KCTD16: variants seen among roughly 807,000 people sequenced by gnomAD.
KCTD16 encodes the protein BTB/POZ domain-containing protein KCTD16.
A neutral mutation model predicts 33.2 loss-of-function variants in KCTD16; 13 were observed. That is an observed-to-expected ratio of 0.39 (90% CI 0.25 to 0.62). The LOEUF is 0.62. Ranked by LOEUF, KCTD16 falls within the 20% of genes least tolerant of loss-of-function variation. KCTD16 has a pLI of 0.50. For synonymous variants in KCTD16, 197 were observed against 195.3 expected, an observed-to-expected ratio of 1.01 and a Z score of -0.07; for missense variants, 441 against 525.1, an observed-to-expected ratio of 0.84 and a Z score of 1.57.
chr5:144,396,927 T>C (rs1165284288), intron 3 of KCTD16, among the ~76,000 whole-genome samples: 2 of 145,466 alleles, frequency 1.4e-5, no homozygotes, highest in Non-Finnish European at 3.0e-5. Flanking sequence ...TATATATATA[T>C]ATATATTTTA....
At chr5:144,336,671 T>C (rs1752501765) in intron 3 of KCTD16, among the ~76,000 whole-genome samples, 2 of 152,156 alleles carry the variant, frequency 1.3e-5, no homozygotes, top group Admixed American at 1.3e-4. Flanking sequence ...TAAGCCTGTT[T>C]CTAAGATTTC....
In KCTD16 at chr5:144,479,410, G is replaced by A. The variant is rs1754661369; in HGVS notation, c.*5296G>A. ...AAAGAAAAAGAAAGCAAGAAAGAGTGAATTCAAAAGGGTTTCAATGATCCA... is the reference window on the plus strand; with the variant it reads ...AAAGAAAAAGAAAGCAAGAAAGAGTAAATTCAAAAGGGTTTCAATGATCCA... On this transcript the variant is annotated 3_prime_UTR_variant, in exon 4 of 4. Transcript: ENST00000512467. 6.7e-6 allele frequency: 1 copy of A among 149,996 alleles called. No individual in the cohort carries two copies. Among genetic ancestry groups the A allele is most frequent in the Non-Finnish European group, 1.5e-5 (1 of 67,322 alleles). The allele number at this position is 149,996 out of a possible 1,614,324, so 9.3% of individuals were successfully genotyped here.
At chr5:144,192,486 A>G (rs1325580731) in intron 2 of KCTD16, among the ~76,000 whole-genome samples, 1 of 152,218 alleles carries the variant, frequency 6.6e-6, no homozygotes, top group Non-Finnish European at 1.5e-5. Context: ...CAGGGAACGA[A>G]TAAAGCGAAG....
At chr5:144,470,276 T>C (rs189134165) in intron 3 of KCTD16, among the ~76,000 whole-genome samples, 1 of 152,286 alleles carries the variant, frequency 6.6e-6, no homozygotes, top group East Asian at 1.9e-4. Context: ...GGTCTGGAGC[T>C]TACATGTGTC....
chr5:144,231,527 G>C (rs927978235), intron 3 of KCTD16, among the ~76,000 whole-genome samples: 36 of 152,114 alleles, frequency 2.4e-4, no homozygotes, highest in African/African-American at 7.7e-4. Context: ...GTGATAGTCT[G>C]TGATACTACA....
intron 2 of KCTD16, among the ~76,000 whole-genome samples, chr5:144,184,890 A>G (rs6895978): frequency 1.4e-5 from 2 of 146,426 alleles, no homozygotes; most frequent in African/African-American, 2.5e-5. Context: ...CTCTGTCTAC[A>G]GAAAAATTTT....
At chr5:144,348,490 C>A (rs183403056) in intron 3 of KCTD16, among the ~76,000 whole-genome samples, 2 of 152,300 alleles carry the variant, frequency 1.3e-5, no homozygotes, top group Admixed American at 6.5e-5. Context: ...TACCCATCAT[C>A]CTCATCGTGT....
intron 3 of KCTD16, among the ~76,000 whole-genome samples, chr5:144,238,161 G>A (rs939143427): frequency 9.2e-5 from 14 of 152,136 alleles, no homozygotes; most frequent in African/African-American, 1.4e-4. Context: ...GCTATGGCTC[G>A]AGAGAAGGAG....
In KCTD16 at chr5:144,483,648, T is replaced by G. The variant is rs573825316; in HGVS notation, c.*9534T>G. On this transcript the variant is annotated 3_prime_UTR_variant, in exon 4 of 4. Transcript: ENST00000512467. ...ATACAGTAAGTTGTGTACTCATTCA[T>G]AGCCACATGCTTTGCATATTACTGG... The G allele has an allele frequency of 5.9e-5, 9 of 152,142 alleles. No homozygotes were observed. In the East Asian group the frequency reaches 1.7e-3, roughly 30 times the overall value. 9.4% of individuals were successfully genotyped at this position (152,142 alleles called of 1,614,324 possible).
intron 3 of KCTD16, among the ~76,000 whole-genome samples, chr5:144,438,902 T>C (rs1753638514): frequency 6.6e-6 from 1 of 152,194 alleles, no homozygotes; most frequent in Non-Finnish European, 1.5e-5. Context: ...GTCACCATCT[T>C]CTACCTCTTC....
At chr5:144,343,733 C>A (rs910453816) in intron 3 of KCTD16, among the ~76,000 whole-genome samples, 2 of 152,150 alleles carry the variant, frequency 1.3e-5, no homozygotes, top group African/African-American at 4.8e-5. Context: ...ATAAATTTCC[C>A]TCTACACACT....
intron 3 of KCTD16, among the ~76,000 whole-genome samples, chr5:144,341,133 A>C (rs1428152109): frequency 1.3e-5 from 2 of 152,154 alleles, no homozygotes; most frequent in African/African-American, 4.8e-5. Flanking sequence ...GCCTTCCAAA[A>C]CTGAGTTATA....
At position 144,299,135 on chromosome 5, in the gene KCTD16, TATATATATATATA is replaced by T. The variant is rs1327665821; in HGVS notation, c.832+91590_832+91602del. ...ATATATATATATATATATATATATA[TATATATATATATA>T]TTTTTTTTTTTTTTTTTAACCTGTC... On this transcript the variant is annotated intron_variant, in intron 3 of 3. Coordinates refer to ENST00000512467, the MANE Select transcript of KCTD16 (RefSeq NM_020768.4). Among the ~76,000 whole-genome samples the T allele has an allele frequency of 4.5e-3, 150 of 33,144 alleles. 7 individuals are homozygous for T. Among genetic ancestry groups the T allele is most frequent in the Middle Eastern group, 0.014 (1 of 72 alleles). The allele number at this position is 33,144 out of a possible 152,430, so 21.7% of individuals were successfully genotyped here. A position where few individuals can be genotyped will look rare whatever the true frequency, so the allele number is the denominator to read the frequency against.
At chr5:144,273,629 A>G (rs1326719298) in intron 3 of KCTD16, among the ~76,000 whole-genome samples, 19 of 152,170 alleles carry the variant, frequency 1.2e-4, no homozygotes, top group Admixed American at 1.2e-3. Flanking sequence ...GATACAACAT[A>G]GATGGAACTT....
At chr5:144,301,645 A>G (rs1751446884) in intron 3 of KCTD16, among the ~76,000 whole-genome samples, 1 of 152,356 alleles carries the variant, frequency 6.6e-6, no homozygotes, top group South Asian at 2.1e-4. Context: ...CCGTCTCGAC[A>G]TAGTGAACAG....
Position 144,474,007 on chromosome 5 carries a change from G to A in KCTD16, c.1180G>A (p.Glu394Lys), listed in dbSNP as rs201108801. The A allele has an allele frequency of 1.2e-6, 2 of 1,614,052 alleles. No homozygotes were observed. The highest frequency in any genetic ancestry group is 2.2e-5 in the East Asian group (1 of 44,858). Residue 394 changes from glutamate to lysine, a missense_variant, in exon 4 of 4, where the codon GAG (glutamate) becomes AAG (lysine). By Grantham distance (56) the Glu-to-Lys change is moderately conservative. Transcript: ENST00000512467. ...AVKEKLSIEE[E>K]LEKCIQDFLK... ...TAAAGAAAAGCTCTCAATTGAGGAGGAGCTGGAGAAATGTATCCAGGATTT... is the reference window on the plus strand; with the variant it reads ...TAAAGAAAAGCTCTCAATTGAGGAGAAGCTGGAGAAATGTATCCAGGATTT...
At chr5:144,231,649 A>G (rs1043561404) in intron 3 of KCTD16, among the ~76,000 whole-genome samples, 18 of 152,190 alleles carry the variant, frequency 1.2e-4, no homozygotes, top group African/African-American at 3.9e-4. Flanking sequence ...GAGATAATTG[A>G]ATTATGGGGG....
At chr5:144,345,401 G>T (rs1752769594) in intron 3 of KCTD16, among the ~76,000 whole-genome samples, 1 of 152,048 alleles carries the variant, frequency 6.6e-6, no homozygotes. Context: ...AGTACAACAT[G>T]CATGTTACAC....
intron 3 of KCTD16, among the ~76,000 whole-genome samples, chr5:144,414,389 G>T (rs534328687): frequency 1.3e-5 from 2 of 152,286 alleles, no homozygotes; most frequent in South Asian, 4.2e-4. Flanking sequence ...CATGGCCTGT[G>T]TGTTCCTGCA....
Sources: allele counts gnomAD v4.1 joint callset (sites outside exome capture counted in the v4.1 genomes callset), GRCh38; gene constraint gnomAD v4.1.1; transcripts MANE v1.5; gene names NCBI Gene and HGNC (gene_info 2026-07-23, HGNC 2026-07-21).